The following POLQ variants were observed in gnomAD, a reference collection of about 807,000 sequenced individuals.
POLQ encodes DNA polymerase theta, also known as epididymis secretory sperm binding protein.
Under a neutral mutation model 259.2 loss-of-function variants are expected in POLQ, and 233 were observed. The observed-to-expected ratio is 0.90, with a 90% CI of 0.81 to 1.00. POLQ has a LOEUF of 1.00. Among genes scored for constraint, POLQ ranks in the 50% least tolerant of loss-of-function variants. The pLI, the probability that POLQ is intolerant of heterozygous loss-of-function variation, is 0.00. For missense variants in POLQ, 2,871 were observed against 3,051.6 expected (o/e 0.94, Z 1.39); for synonymous variants, 1,025 against 1,048.8 (o/e 0.98, Z 0.44).
At chr3:121,501,803 T>G (rs965857473) in intron 12 of POLQ, among the ~76,000 whole-genome samples, 7 of 149,462 alleles carry the variant, frequency 4.7e-5, no homozygotes, top group Non-Finnish European at 7.4e-5. Flanking sequence ...CTGGTCAACA[T>G]GGCGAAACCC....
chr3:121,457,766 A>G (rs2108782742), intron 25 of POLQ, among the ~76,000 whole-genome samples: 1 of 152,300 alleles, frequency 6.6e-6, no homozygotes, highest in Non-Finnish European at 1.5e-5. Flanking sequence ...GAGAAATAGG[A>G]ACACTTTTAC....
At position 121,487,431 on chromosome 3, in the gene POLQ, G is replaced by C. The variant is rs1181375042; in HGVS notation, c.5500C>G (p.Gln1834Glu). 5.6e-6 allele frequency: 9 copies of C among 1,613,914 alleles called. No homozygotes were observed. Among genetic ancestry groups the C allele is most frequent in the Middle Eastern group, 1.6e-4 (1 of 6,062 alleles). Residue 1834 changes from glutamine (Q) to glutamate (E), a missense_variant, in exon 16 of 30, where the codon CAA becomes GAA. By Grantham distance (29) the Gln-to-Glu change is conservative. This residue lies in a region of POLQ where 2,080 missense variants were observed against 2,126.0 expected (regional missense o/e 0.98). Coordinates refer to ENST00000264233, the MANE Select transcript of POLQ (RefSeq NM_199420.4). ...TTAATGAATGTTTGGAAAAGATTTT[G>C]GTCACTTGCTACATCAATTATGGAC... ...SLSIIDVASD[Q>E]NLFQTFIKEW...
chr3:121,477,288 C>T (rs1233340407), intron 19 of POLQ, among the ~76,000 whole-genome samples: 5 of 152,184 alleles, frequency 3.3e-5, no homozygotes, highest in African/African-American at 1.2e-4. Flanking sequence ...GTGACTGAGA[C>T]AGTGATACCT....
intron 7 of POLQ, among the ~76,000 whole-genome samples, chr3:121,528,646 AT>A (rs2048389191): frequency 6.6e-6 from 1 of 151,970 alleles, no homozygotes; most frequent in Non-Finnish European, 1.5e-5. Context: ...CCTGGCAGAA[AT>A]TTTAATTCTT....
intron 19 of POLQ, 117 bp from the exon 20 acceptor site, chr3:121,476,850 C>T: frequency 2.9e-6 from 2 of 686,736 alleles, no homozygotes; most frequent in Non-Finnish European, 4.8e-6. Context: ...CCAAGGTATC[C>T]TTCAGGAGCC....
At chr3:121,544,639 C>G (rs1248125661) in intron 2 of POLQ, 88 bp downstream of exon 2, 4 of 822,004 alleles carry the variant, frequency 4.9e-6, no homozygotes, top group African/African-American at 1.7e-5. Flanking sequence ...GCCTCATTCA[C>G]CTTTTAAACG....
Position 121,487,539 on chromosome 3 carries a change from G to A in POLQ, c.5392C>T (p.Pro1798Ser). 1.9e-6 allele frequency: 3 copies of A among 1,613,904 alleles called. No homozygotes were observed. The highest frequency in any genetic ancestry group is 2.5e-6 in the Non-Finnish European group (3 of 1,179,868). ...AGTGAAAAGCTTGTGTCACTAATAG[G>A]GCTGTTGTCTTTGAACCCATTTCTA... ...GSRNGFKDNS[P>S]ISDTSFSLQL... The change falls in exon 16 of 30, where the codon CCT (proline) becomes TCT (serine). Residue 1798 changes from proline to serine, a missense_variant. This residue lies in a region of POLQ where 2,080 missense variants were observed against 2,126.0 expected (regional missense o/e 0.98). Transcript: ENST00000264233.
At chr3:121,532,404 G>T (rs983796872) in intron 6 of POLQ, among the ~76,000 whole-genome samples, 1 of 152,034 alleles carries the variant, frequency 6.6e-6, no homozygotes, top group African/African-American at 2.4e-5. Flanking sequence ...AACGCTACAA[G>T]ATCAGTTATT....
rs1316006950 is a variant in POLQ at position 121,473,334 on chromosome 3, C to G, written c.6543+16G>C. On this transcript the variant is annotated intron_variant, in intron 21 of 29. Transcript: ENST00000264233. ...GTTTAGGTTCTGCCCTGCTCTGTGA[C>G]TGCCCCAAAGAGCACCTTACTAGTG... 1 of 1,600,950 alleles carries G rather than the reference C, an allele frequency of 6.2e-7. No homozygotes were observed.
At position 121,541,471 on chromosome 3, in the gene POLQ, T is replaced by C. The variant is rs1434946405; in HGVS notation, c.352A>G (p.Ser118Gly). The C allele has an allele frequency of 1.9e-6, 3 of 1,597,398 alleles. No homozygotes were observed. The highest frequency in any genetic ancestry group is 1.4e-5 in the African/African-American group (1 of 73,810). The change falls in exon 3 of 30, where the codon AGT becomes GGT. Residue 118 changes from serine to glycine, a missense_variant. Ser to Gly is a moderately conservative substitution (Grantham distance 56). Coordinates refer to ENST00000264233, the MANE Select transcript of POLQ (RefSeq NM_199420.4). ...TCTGCCACAAGAGTCTTCCCAGCAC[T>C]TGTAGGAGCTAAAACATGATTATTC... ...GKNLVYSAPT[S>G]AGKTLVAELL...
chr3:121,510,174 C>A lies in POLQ; in HGVS notation c.1681G>T (p.Ala561Ser). ...CCTTGCTTCCCTTCTTTCATACTTG[C>A]AGCCAAAAATGTGCAGGCAGCATAA... ...HTYAACTFLAASMKEGKQGIQ... is the reference protein window; with the variant it reads ...HTYAACTFLASSMKEGKQGIQ... Residue 561 changes from alanine to serine, a missense_variant, in exon 11 of 30, where the codon GCA becomes TCA. Coordinates refer to ENST00000264233, the MANE Select transcript of POLQ (RefSeq NM_199420.4). 1 of 1,613,856 alleles carries A rather than the reference C, an allele frequency of 6.2e-7. No individual in the cohort carries two copies. Among genetic ancestry groups the A allele is most frequent in the Non-Finnish European group, 8.5e-7 (1 of 1,179,720 alleles).
intron 1 of POLQ, 41 bp downstream of exon 1, chr3:121,545,674 G>A (rs1361750503): frequency 1.3e-6 from 2 of 1,513,388 alleles, no homozygotes; most frequent in Non-Finnish European, 1.8e-6. Flanking sequence ...GCCCGGCGGA[G>A]CTGCCCCCGT....
In POLQ at chr3:121,490,236, T is replaced by C. The variant is rs2048056011; in HGVS notation, c.2695A>G (p.Asn899Asp). Reference protein sequence around the residue: ...QDLVEMGVQWNPCALLHSSTC... With the variant: ...QDLVEMGVQWDPCALLHSSTC... The stretch of plus-strand genomic sequence containing the variant: ...CTAGAATGTAACAGGGCACATGGAT[T>C]CCATTGCACTCCCATTTCAACTAAG... The change falls in exon 16 of 30, where the codon AAT becomes GAT. Residue 899 changes from asparagine (N) to aspartate (D), a missense_variant. Around this residue, in one of 3 missense-constraint regions of POLQ, gnomAD observed 2,080 missense variants for 2,126.0 expected, o/e 0.98. Transcript: ENST00000264233. 1.2e-6 allele frequency: 2 copies of C among 1,614,170 alleles called. No individual in the cohort carries two copies. Among genetic ancestry groups the C allele is most frequent in the Non-Finnish European group, 8.5e-7 (1 of 1,179,998 alleles).
chr3:121,519,848 C>G, intron 9 of POLQ, 23 bp downstream of exon 9: 1 of 1,271,738 alleles, frequency 7.9e-7, no homozygotes. Flanking sequence ...AATGCTGCTA[C>G]AATTAAATTC....
Position 121,533,058 on chromosome 3 carries a change from C to A in POLQ, c.892G>T (p.Val298Phe), listed in dbSNP as rs767628992. The change falls in exon 6 of 30, where the codon GTT becomes TTT. Residue 298 changes from valine (V) to phenylalanine (F), a missense_variant. Physicochemically the swap from Val to Phe is conservative, Grantham distance 50. Around this residue, in one of 3 missense-constraint regions of POLQ, gnomAD observed 783 missense variants for 906.2 expected, o/e 0.86. Coordinates refer to ENST00000264233, the MANE Select transcript of POLQ (RefSeq NM_199420.4). ...RPVPLLESVKVGNSIYDSSMK... is the reference protein window; with the variant it reads ...RPVPLLESVKFGNSIYDSSMK... ...GAAGAGTCATATATGGAATTTCCAA[C>A]TTTTACTGACTCCAAAAGCGGTACA... 6.2e-7 allele frequency: 1 copy of A among 1,613,988 alleles called. No homozygotes were observed. The highest frequency in any genetic ancestry group is 8.5e-7 in the Non-Finnish European group (1 of 1,179,958).
chr3:121,436,706 A>G (rs972323628), intron 27 of POLQ, among the ~76,000 whole-genome samples: 1 of 151,980 alleles, frequency 6.6e-6, no homozygotes, highest in Non-Finnish European at 1.5e-5. Context: ...CTCTATACCA[A>G]TGGCCTCTTG....
At chr3:121,490,476 T>G in intron 15 of POLQ, 68 bp from the exon 16 acceptor site, 1 of 1,291,244 alleles carries the variant, frequency 7.7e-7, no homozygotes, top group Non-Finnish European at 1.1e-6. Context: ...TTATTAAACA[T>G]GCAATCTGAG....
intron 24 of POLQ, among the ~76,000 whole-genome samples, chr3:121,462,421 G>A (rs868384168): frequency 8.5e-5 from 13 of 152,174 alleles, no homozygotes; most frequent in East Asian, 1.9e-4. Context: ...GAAGCACAGC[G>A]CTGTATCTGT....
rs190310199 is a variant in POLQ, at chr3:121,473,238, G to C, written c.6543+112C>G. ...AACCAATGTGTTAATTTATATCTGG[G>C]TAAATTCAAATGGTAGGCTAAGATG... On this transcript the variant is annotated intron_variant, in intron 21 of 29. Transcript: ENST00000264233. 11 of 963,146 alleles carry C rather than the reference G, an allele frequency of 1.1e-5. No individual in the cohort carries two copies. The Admixed American group carries it at 2.4e-4, about 21-fold the overall frequency. 59.7% of individuals were successfully genotyped at this position (963,146 alleles called of 1,614,324 possible).
Sources: allele counts gnomAD v4.1 joint callset (sites outside exome capture counted in the v4.1 genomes callset), GRCh38; gene constraint gnomAD v4.1.1; regional missense constraint gnomAD v4.1.1; transcripts MANE v1.5; gene names NCBI Gene and HGNC (gene_info 2026-07-23, HGNC 2026-07-21).